The following ASB4 variants were observed in gnomAD, a reference collection of about 807,000 sequenced individuals.
ASB4 encodes the protein ankyrin repeat and SOCS box protein 4.
A neutral mutation model predicts 38.6 loss-of-function variants in ASB4; 35 were observed. That is an observed-to-expected ratio of 0.91 (90% CI 0.69 to 1.20). The LOEUF is 1.20. ASB4 is among the 50% of genes most tolerant of loss of function. ASB4 has a pLI of 0.00. For synonymous variants in ASB4, 195 were observed against 201.3 expected, an observed-to-expected ratio of 0.97 and a Z score of 0.26; for missense variants, 557 against 527.2, an observed-to-expected ratio of 1.06 and a Z score of -0.55.
upstream of ASB4, chr7:95,485,930 CT>C (rs1240861155): frequency 2.5e-6 from 4 of 1,587,810 alleles, no homozygotes; most frequent in African/African-American, 5.4e-5. Flanking sequence ...CGGTGCTGTT[CT>C]CTCGATAAAT....
At chr7:95,504,528 T>C (rs756065374) in intron 2 of ASB4, among the ~76,000 whole-genome samples, 2 of 152,194 alleles carry the variant, frequency 1.3e-5, no homozygotes, top group Non-Finnish European at 2.9e-5. Flanking sequence ...AATCTGACCA[T>C]GTTAGACATT....
chr7:95,507,357 C>CTAGA (rs1004185900), intron 2 of ASB4, among the ~76,000 whole-genome samples: 7 of 151,834 alleles, frequency 4.6e-5, no homozygotes, highest in Non-Finnish European at 1.0e-4. Context: ...AGCATATCTG[C>CTAGA]TATCTAGAAT....
chr7:95,514,132 A>AT (rs1790522883), intron 2 of ASB4, among the ~76,000 whole-genome samples: 1 of 152,068 alleles, frequency 6.6e-6, no homozygotes, highest in Non-Finnish European at 1.5e-5. Flanking sequence ...CAATTCTTTA[A>AT]TGTCTTCATG....
At chr7:95,494,287 A>G (rs77489547) in intron 1 of ASB4, among the ~76,000 whole-genome samples, 29,904 of 152,114 alleles carry the variant, frequency 0.2, 3,157 homozygotes, top group Middle Eastern at 0.33. Flanking sequence ...GTAATATTCT[A>G]GATTTCTTAT....
intron 2 of ASB4, among the ~76,000 whole-genome samples, chr7:95,501,205 A>C (rs1256320824): frequency 6.6e-6 from 1 of 152,224 alleles, no homozygotes; most frequent in African/African-American, 2.4e-5. Flanking sequence ...GCATGAAGCA[A>C]ATCCTGACAG....
chr7:95,541,968 G>A (rs1309068993), downstream of ASB4, among the ~76,000 whole-genome samples: 5 of 152,094 alleles, frequency 3.3e-5, no homozygotes, highest in Admixed American at 1.3e-4. Flanking sequence ...TCCGGAGGCT[G>A]AGGCAGGAAA....
At chr7:95,505,310 CCAGA>C (rs1281140651) in intron 2 of ASB4, among the ~76,000 whole-genome samples, 2 of 151,166 alleles carry the variant, frequency 1.3e-5, no homozygotes, top group Non-Finnish European at 1.5e-5. Context: ...TTTCTGTATA[CCAGA>C]AATAAGCAGC....
intron 3 of ASB4, among the ~76,000 whole-genome samples, chr7:95,532,974 C>T (rs1021783760): frequency 3.9e-5 from 6 of 152,144 alleles, no homozygotes; most frequent in Admixed American, 2.0e-4. Flanking sequence ...TCTCATGTTT[C>T]CTTTGTCTTA....
intron 2 of ASB4, among the ~76,000 whole-genome samples, chr7:95,517,836 CA>C (rs1790605911): frequency 6.6e-6 from 1 of 151,052 alleles, no homozygotes; most frequent in Non-Finnish European, 1.5e-5. Context: ...GGAGTTCAAA[CA>C]AAAAGCAATA....
intron 3 of ASB4, among the ~76,000 whole-genome samples, chr7:95,531,764 T>C (rs921022637): frequency 1.3e-5 from 2 of 152,206 alleles, no homozygotes; most frequent in African/African-American, 4.8e-5. Flanking sequence ...AACCCTAGTG[T>C]TCACTTTTCT....
intron 2 of ASB4, among the ~76,000 whole-genome samples, chr7:95,516,101 A>C (rs550790054): frequency 1.6e-4 from 25 of 152,170 alleles, no homozygotes; most frequent in African/African-American, 6.0e-4. Flanking sequence ...AGTCCTTATC[A>C]CTTTATCCAA....
intron 1 of ASB4, among the ~76,000 whole-genome samples, chr7:95,493,473 G>T (rs747277384): frequency 2.4e-4 from 37 of 152,006 alleles, no homozygotes; most frequent in Non-Finnish European, 4.6e-4. Flanking sequence ...ATTCATTCCT[G>T]TGGGATTAAT....
chr7:95,486,692 T>C (rs915968025), intron 1 of ASB4, among the ~76,000 whole-genome samples: 2 of 152,138 alleles, frequency 1.3e-5, no homozygotes, highest in Admixed American at 6.5e-5. Context: ...TTTTAATGAG[T>C]TTTCAGTTCA....
intron 2 of ASB4, among the ~76,000 whole-genome samples, chr7:95,520,495 G>C (rs893829449): frequency 1.3e-5 from 2 of 152,174 alleles, no homozygotes; most frequent in African/African-American, 4.8e-5. Context: ...TAAGTTGAGA[G>C]GGTATTCTGG....
In ASB4 at chr7:95,537,967, T is replaced by C; in HGVS notation, c.*208T>C. Reference sequence around the variant, plus strand: ...TAAGGAATTTTCAAAGACAAGGATGTATTCAGAATGTACTGATAGAACAGT... The same window carrying C: ...TAAGGAATTTTCAAAGACAAGGATGCATTCAGAATGTACTGATAGAACAGT... On this transcript the variant is annotated 3_prime_UTR_variant, in exon 5 of 5. Transcript: ENST00000325885. 1.8e-6 allele frequency: 1 copy of C among 540,756 alleles called. No individual in the cohort carries two copies. Among genetic ancestry groups the C allele is most frequent in the Non-Finnish European group, 3.3e-6 (1 of 304,092 alleles). 33.5% of individuals were successfully genotyped at this position (540,756 alleles called of 1,614,324 possible).
At chr7:95,535,079 C>A (rs1343796626) in intron 3 of ASB4, among the ~76,000 whole-genome samples, 1 of 152,152 alleles carries the variant, frequency 6.6e-6, no homozygotes, top group African/African-American at 2.4e-5. Flanking sequence ...CACATGCACA[C>A]ACATGCGCAC....
upstream of ASB4, among the ~76,000 whole-genome samples, chr7:95,485,262 T>C (rs982159805): frequency 3.3e-5 from 5 of 152,156 alleles, no homozygotes; most frequent in Non-Finnish European, 5.9e-5. Flanking sequence ...CACAATACTG[T>C]CTTTTCTAGC....
At chr7:95,546,998 C>T in the ASB4 span, among the ~76,000 whole-genome samples, 2 of 152,270 alleles carry the variant, frequency 1.3e-5, no homozygotes, top group East Asian at 3.9e-4. Context: ...TCCCACGTCC[C>T]CTTTTAAAAG....
At position 95,539,728 on chromosome 7, in the gene ASB4, T is replaced by C. The variant is rs1032540918; in HGVS notation, c.*1969T>C. On this transcript the variant is annotated 3_prime_UTR_variant, in exon 5 of 5. Transcript: ENST00000325885. ...AGTGATATAATGGACTATGGGGACT[T>C]GCAAGGGGAAGCTTGAGAGTGGGGT... 6 of 152,278 alleles carry C rather than the reference T, an allele frequency of 3.9e-5. No individual in the cohort carries two copies. Among genetic ancestry groups the C allele is most frequent in the African/African-American group, 1.4e-4 (6 of 41,440 alleles). 9.4% of individuals were successfully genotyped at this position (152,278 alleles called of 1,614,324 possible).
Sources: allele counts gnomAD v4.1 joint callset (sites outside exome capture counted in the v4.1 genomes callset), GRCh38; gene constraint gnomAD v4.1.1; transcripts MANE v1.5; gene names NCBI Gene and HGNC (gene_info 2026-07-23, HGNC 2026-07-21).